The following PPM1H variants were observed in gnomAD, a reference collection of about 807,000 sequenced individuals.
PPM1H encodes the protein protein phosphatase 1H.
In PPM1H, 27 loss-of-function variants were observed where a neutral mutation model predicts 54.9. That is an observed-to-expected ratio of 0.49 (90% CI 0.36 to 0.68). PPM1H has a LOEUF of 0.68. PPM1H is among the 30% of genes least tolerant of loss of function. The pLI, the probability that PPM1H is intolerant of heterozygous loss-of-function variation, is 0.00. For missense variants in PPM1H, 596 were observed against 667.8 expected (o/e 0.89, Z 1.19); for synonymous variants, 305 against 270.8 (o/e 1.13, Z -1.24).
chr12:62,659,844 C>T (rs1047682788), intron 9 of PPM1H, among the ~76,000 whole-genome samples: 2 of 152,218 alleles, frequency 1.3e-5, no homozygotes, highest in African/African-American at 2.4e-5. Context: ...TTCCATTCCC[C>T]TTCCCTCAGG....
intron 1 of PPM1H, among the ~76,000 whole-genome samples, chr12:62,920,944 A>ACC (rs1312427358): frequency 1.3e-5 from 2 of 152,108 alleles, no homozygotes; most frequent in African/African-American, 4.8e-5. Flanking sequence ...TTATGTATTG[A>ACC]GACAGAGTCT....
intron 5 of PPM1H, among the ~76,000 whole-genome samples, chr12:62,727,384 T>C: frequency 6.6e-6 from 1 of 152,162 alleles, no homozygotes; most frequent in East Asian, 1.9e-4. Context: ...TTCAATCTTT[T>C]GAAAAAGTTA....
At chr12:62,787,914 C>T (rs1031910919) in intron 4 of PPM1H, among the ~76,000 whole-genome samples, 4 of 152,122 alleles carry the variant, frequency 2.6e-5, no homozygotes, top group African/African-American at 9.7e-5. Context: ...CACTCGAATC[C>T]CTTTCCTTCC....
chr12:62,722,538 T>C (rs1041333692), intron 5 of PPM1H, among the ~76,000 whole-genome samples: 1 of 152,136 alleles, frequency 6.6e-6, no homozygotes, highest in African/African-American at 2.4e-5. Context: ...ACACACACAT[T>C]TTTACAAAAG....
intron 1 of PPM1H, among the ~76,000 whole-genome samples, chr12:62,888,035 T>C (rs984986298): frequency 1.1e-4 from 16 of 152,028 alleles, no homozygotes; most frequent in Admixed American, 7.9e-4. Flanking sequence ...TTCTGGGAGC[T>C]GAATGTGGTA....
chr12:62,659,551 G>T (rs1333630223), intron 9 of PPM1H, among the ~76,000 whole-genome samples: 1 of 152,140 alleles, frequency 6.6e-6, no homozygotes, highest in East Asian at 1.9e-4. Context: ...TGCTGGGAAG[G>T]ATGTCAACAG....
intron 2 of PPM1H, among the ~76,000 whole-genome samples, chr12:62,819,340 G>A (rs1002392601): frequency 4.0e-5 from 6 of 148,176 alleles, no homozygotes; most frequent in African/African-American, 1.5e-4. Context: ...TCTTGGCCAG[G>A]CTTGTCTTGA....
In PPM1H at chr12:62,832,013, A is replaced by G. The variant is rs954704331; in HGVS notation, c.411+101T>C. 5 of 1,377,826 alleles carry G rather than the reference A, an allele frequency of 3.6e-6. No individual in the cohort carries two copies. The Admixed American group carries it at 8.2e-5, about 23-fold the overall frequency. The allele number at this position is 1,377,826 out of a possible 1,614,324, so 85.4% of individuals were successfully genotyped here. On this transcript the variant is annotated intron_variant, in intron 2 of 9. Transcript: ENST00000228705. ...CTAACTCTGGGGACACTGCTTTCTCACTTCCATTCCAGATTTAGGTGAAGC... is the reference window on the plus strand; with the variant it reads ...CTAACTCTGGGGACACTGCTTTCTCGCTTCCATTCCAGATTTAGGTGAAGC...
At chr12:62,917,660 G>T (rs1210806773) in intron 1 of PPM1H, among the ~76,000 whole-genome samples, 1 of 152,104 alleles carries the variant, frequency 6.6e-6, no homozygotes, top group Non-Finnish European at 1.5e-5. Flanking sequence ...TACTTTAAAA[G>T]AATTAGGGGA....
chr12:62,913,693 G>C (rs1055839907), intron 1 of PPM1H, among the ~76,000 whole-genome samples: 1 of 152,040 alleles, frequency 6.6e-6, no homozygotes, highest in Non-Finnish European at 1.5e-5. Context: ...TCAATATACT[G>C]GTTTTTTGGG....
chr12:62,747,842 C>A (rs1000592474), intron 4 of PPM1H, among the ~76,000 whole-genome samples: 1 of 152,182 alleles, frequency 6.6e-6, no homozygotes, highest in Non-Finnish European at 1.5e-5. Flanking sequence ...GTGGCAGAAC[C>A]CACCAAGTAC....
chr12:62,893,864 T>G (rs1870887962), intron 1 of PPM1H, among the ~76,000 whole-genome samples: 1 of 152,174 alleles, frequency 6.6e-6, no homozygotes, highest in African/African-American at 2.4e-5. Flanking sequence ...GGGTTAGGAC[T>G]TCAACATATG....
At chr12:62,790,140 A>G (rs1041662340) in intron 3 of PPM1H, among the ~76,000 whole-genome samples, 12 of 152,224 alleles carry the variant, frequency 7.9e-5, no homozygotes. Context: ...TCCTCATGGA[A>G]AAGGGGGAGA....
At chr12:62,904,782 T>C (rs1175135178) in intron 1 of PPM1H, among the ~76,000 whole-genome samples, 1 of 152,218 alleles carries the variant, frequency 6.6e-6, no homozygotes, top group Admixed American at 6.5e-5. Flanking sequence ...AATGTCTTCT[T>C]TTCCTTATTA....
intron 1 of PPM1H, among the ~76,000 whole-genome samples, chr12:62,929,632 C>A (rs1044434485): frequency 6.6e-6 from 1 of 152,112 alleles, no homozygotes; most frequent in Non-Finnish European, 1.5e-5. Flanking sequence ...CATGGTTAAA[C>A]CCTTTGCCTG....
At chr12:62,930,805 T>C (rs1015877576) in intron 1 of PPM1H, among the ~76,000 whole-genome samples, 1 of 151,456 alleles carries the variant, frequency 6.6e-6, no homozygotes, top group African/African-American at 2.4e-5. Flanking sequence ...ATGCATGTTT[T>C]TAGAAAGATT....
At position 62,862,177 on chromosome 12, in the gene PPM1H, G is replaced by T. The variant is rs1048493803; in HGVS notation, c.246-29898C>A. Among the ~76,000 whole-genome samples, 41 of 152,132 alleles carry T rather than the reference G, an allele frequency of 2.7e-4. 2 individuals carry two copies. ...AGAGAGCGGGCTGCTGACCTAAAAA[G>T]GATGAAATCTTAAACAGAATCCACT... On this transcript the variant is annotated intron_variant, in intron 1 of 9. Coordinates refer to ENST00000228705, the MANE Select transcript of PPM1H (RefSeq NM_020700.2).
intron 8 of PPM1H, among the ~76,000 whole-genome samples, chr12:62,688,893 G>A (rs2076069075): frequency 6.6e-6 from 1 of 152,176 alleles, no homozygotes; most frequent in African/African-American, 2.4e-5. Context: ...CTACTCGGGA[G>A]GCTGAGACAG....
chr12:62,832,202 C>T lies in PPM1H; in HGVS notation c.323G>A (p.Gly108Glu), dbSNP rs1378565200. 4 of 1,613,748 alleles carry T rather than the reference C, an allele frequency of 2.5e-6. No homozygotes were observed. Among genetic ancestry groups the T allele is most frequent in the South Asian group, 2.2e-5 (2 of 91,016 alleles). ...CEVLTVKKKA[G>E]AVTSTPNRNS... ...CCTGTTTGGGGTTGAGGTCACGGCCCCTGCCTTCTTCTTCACAGTGAGCAC... is the reference window on the plus strand; with the variant it reads ...CCTGTTTGGGGTTGAGGTCACGGCCTCTGCCTTCTTCTTCACAGTGAGCAC... Residue 108 changes from glycine (G) to glutamate (E), a missense_variant, in exon 2 of 10, where the codon GGG becomes GAG. Gly to Glu is a moderately conservative substitution (Grantham distance 98). Transcript: ENST00000228705.
Sources: gnomAD v4.1 joint callset for allele counts (sites outside exome capture counted in the v4.1 genomes callset) on GRCh38, gnomAD v4.1.1 for gene constraint, MANE v1.5 for transcripts, NCBI Gene and HGNC (gene_info 2026-07-23, HGNC 2026-07-21) for gene names.